The following CWC22 variants were observed in gnomAD, a reference collection of about 807,000 sequenced individuals.
CWC22 encodes pre-mRNA-splicing factor CWC22 homolog.
In CWC22, 53 loss-of-function variants were observed where a neutral mutation model predicts 117.2. That is an observed-to-expected ratio of 0.45 (90% CI 0.36 to 0.57). CWC22 has a LOEUF of 0.57. CWC22 is among the 20% of genes least tolerant of loss of function. The pLI, the probability that CWC22 is intolerant of heterozygous loss-of-function variation, is 0.00. For synonymous variants in CWC22, 360 were observed against 355.6 expected (o/e 1.01, Z -0.14); for missense variants, 980 against 1,068.8 (o/e 0.92, Z 1.16).
At chr2:179,993,170 C>G in intron 2 of CWC22, 145 bp downstream of exon 2, 3 of 623,950 alleles carry the variant, frequency 4.8e-6, no homozygotes, top group Admixed American at 3.1e-5. Flanking sequence ...TTTAAAATTG[C>G]AAAAACTGCA....
intron 12 of CWC22, 75 bp from the exon 13 acceptor site, chr2:179,964,703 T>G (rs1390998885): frequency 1.5e-6 from 1 of 676,368 alleles, no homozygotes; most frequent in Non-Finnish European, 2.5e-6. Flanking sequence ...CTGTATAGCA[T>G]TTTCTTCAAA....
At chr2:179,953,889 G>A (rs1559285141) in intron 16 of CWC22, among the ~76,000 whole-genome samples, 1 of 152,120 alleles carries the variant, frequency 6.6e-6, no homozygotes, top group African/African-American at 2.4e-5. Flanking sequence ...ATATGTGGAT[G>A]TGAGTGTGCA....
intron 13 of CWC22, among the ~76,000 whole-genome samples, chr2:179,961,751 T>C (rs1260938047): frequency 6.6e-6 from 1 of 151,954 alleles, no homozygotes; most frequent in Non-Finnish European, 1.5e-5. Context: ...TTATTTTATT[T>C]TGAAAGTATT....
chr2:179,952,162 A>C (rs1392193004), intron 17 of CWC22, among the ~76,000 whole-genome samples: 5 of 152,132 alleles, frequency 3.3e-5, no homozygotes, highest in Non-Finnish European at 5.9e-5. Context: ...TAAGGCTTAA[A>C]ATTAGGGTAA....
rs1220180092 is a variant in CWC22 at position 179,970,926 on chromosome 2, T to C, written c.940+15A>G. On this transcript the variant is annotated intron_variant, in intron 9 of 19. Coordinates refer to ENST00000410053, the MANE Select transcript of CWC22 (RefSeq NM_020943.3). ...ATAATAAAAACTTAACATCAAACTA[T>C]GAATGTACACTTACCATTGATTCCT... 1 of 1,611,016 alleles carries C rather than the reference T, an allele frequency of 6.2e-7. No individual in the cohort carries two copies. Among genetic ancestry groups the C allele is most frequent in the Non-Finnish European group, 8.5e-7 (1 of 1,178,414 alleles).
chr2:179,966,091 T>C, intron 11 of CWC22, 109 bp from the exon 12 acceptor site: 1 of 771,192 alleles, frequency 1.3e-6, no homozygotes, highest in East Asian at 2.7e-5. Flanking sequence ...GGTGTAACAG[T>C]TTGCTAGCCA....
chr2:179,987,114 A>C (rs1687438384), intron 3 of CWC22, among the ~76,000 whole-genome samples: 1 of 152,198 alleles, frequency 6.6e-6, no homozygotes, highest in Admixed American at 6.5e-5. Flanking sequence ...AGCATGAAAA[A>C]GGCTATCCTA....
At chr2:179,955,310 T>C (rs1386907446) in intron 14 of CWC22, among the ~76,000 whole-genome samples, 1 of 151,954 alleles carries the variant, frequency 6.6e-6, no homozygotes, top group Non-Finnish European at 1.5e-5. Context: ...GAAAATCTAG[T>C]ATAGGAAACA....
chr2:179,976,282 C>T (rs940021274), intron 6 of CWC22, among the ~76,000 whole-genome samples: 15 of 152,116 alleles, frequency 9.9e-5, no homozygotes, highest in African/African-American at 3.4e-4. Context: ...AACATTAGAC[C>T]TGAAACTGTG....
intron 8 of CWC22, among the ~76,000 whole-genome samples, chr2:179,972,278 T>C (rs543403800): frequency 1.1e-4 from 16 of 152,302 alleles, no homozygotes; most frequent in African/African-American, 3.8e-4. Context: ...AATGATAATA[T>C]ATATCTGAAG....
At chr2:179,982,853 A>G (rs1687320304) in intron 4 of CWC22, among the ~76,000 whole-genome samples, 2 of 152,170 alleles carry the variant, frequency 1.3e-5, no homozygotes, top group Non-Finnish European at 2.9e-5. Flanking sequence ...TGCTTTTTAC[A>G]TATACTGCCT....
intron 11 of CWC22, among the ~76,000 whole-genome samples, chr2:179,968,175 C>A (rs1321327683): frequency 6.6e-6 from 1 of 152,008 alleles, no homozygotes; most frequent in Non-Finnish European, 1.5e-5. Context: ...ATGACTAATG[C>A]AACATTACAA....
At position 179,965,882 on chromosome 2, in the gene CWC22, TTCA is replaced by T. The variant is rs1169413691; in HGVS notation, c.1308_1310del (p.Asp436del). 2 of 1,500,836 alleles carry T rather than the reference TTCA, an allele frequency of 1.3e-6. No homozygotes were observed. The highest frequency in any genetic ancestry group is 1.7e-5 in the Admixed American group (1 of 59,768). 93.0% of individuals were successfully genotyped at this position (1,500,836 alleles called of 1,614,324 possible). On this transcript the variant is annotated inframe_deletion, in exon 12 of 20. Coordinates refer to ENST00000410053, the MANE Select transcript of CWC22 (RefSeq NM_020943.3). ...TTGAATATGCTACATGTTTACCTTC[TTCA>T]TCTTCTTCTCCCTCTTCCTCTTCTT...
intron 15 of CWC22, among the ~76,000 whole-genome samples, chr2:179,954,620 A>G (rs1382822921): frequency 6.6e-6 from 1 of 152,034 alleles, no homozygotes. Context: ...AATATTTTAG[A>G]TCATGCTTTA....
At position 179,945,406 on chromosome 2, in the gene CWC22, C is replaced by A. The variant is rs1157250019; in HGVS notation, c.2450G>T (p.Gly817Val). ...EMHIDLENKH[G>V]DPKKKRGERR... ...CTCTCCTCTCTTCTTTTTGGGATCA[C>A]CATGCTTATTTTCCAAATCTATATG... is the stretch of plus-strand genomic sequence containing the variant. The change falls in exon 20 of 20, where the codon GGT becomes GTT. Residue 817 changes from glycine (G) to valine (V), a missense_variant. Gly to Val is a moderately radical substitution (Grantham distance 109). This residue lies in a region of CWC22 where 306 missense variants were observed against 296.8 expected (regional missense o/e 1.03). Coordinates refer to ENST00000410053, the MANE Select transcript of CWC22 (RefSeq NM_020943.3). 1.2e-6 allele frequency: 2 copies of A among 1,613,272 alleles called. No individual in the cohort carries two copies. Among genetic ancestry groups the A allele is most frequent in the Non-Finnish European group, 1.7e-6 (2 of 1,179,594 alleles).
rs756821579 is a variant in CWC22, at chr2:179,945,172, T to A, written c.2684A>T (p.Asn895Ile). 6.2e-7 allele frequency: 1 copy of A among 1,605,116 alleles called. No homozygotes were observed. The highest frequency in any genetic ancestry group is 2.2e-5 in the East Asian group (1 of 44,824). Residue 895 changes from asparagine to isoleucine, a missense_variant, in exon 20 of 20, where the codon AAT becomes ATT. Physicochemically the swap from Asn to Ile is moderately radical, Grantham distance 149. Coordinates refer to ENST00000410053, the MANE Select transcript of CWC22 (RefSeq NM_020943.3). ...YSEQSRESKKNQDRRREKSPA... is the reference protein window; with the variant it reads ...YSEQSRESKKIQDRRREKSPA... ...AGACTTTTCTCTTCGCCGGTCCTGA[T>A]TTTTCTTTGATTCTCTGGATTGTTC...
At chr2:180,004,450 G>A (rs1047657916) in intron 1 of CWC22, among the ~76,000 whole-genome samples, 4 of 151,966 alleles carry the variant, frequency 2.6e-5, no homozygotes, top group Admixed American at 6.5e-5. Context: ...GGAGTGCAGT[G>A]GAGAGAGCTC....
chr2:179,986,598 T>C (rs1366096058), intron 4 of CWC22, 97 bp downstream of exon 4: 1 of 641,748 alleles, frequency 1.6e-6, no homozygotes, highest in Non-Finnish European at 2.6e-6. Context: ...ATCCAATTAA[T>C]GTTAGCTAGT....
At chr2:179,966,566 C>A (rs1686894836) in intron 11 of CWC22, among the ~76,000 whole-genome samples, 1 of 151,944 alleles carries the variant, frequency 6.6e-6, no homozygotes, top group African/African-American at 2.4e-5. Context: ...AGTTTAAAAG[C>A]CTTTAAGACA....
Sources: gnomAD v4.1 joint callset for allele counts (sites outside exome capture counted in the v4.1 genomes callset) on GRCh38, gnomAD v4.1.1 for gene constraint, gnomAD v4.1.1 regional missense constraint, MANE v1.5 for transcripts, NCBI Gene and HGNC (gene_info 2026-07-23, HGNC 2026-07-21) for gene names.